Variants in DAPK1 observed in about 807,000 individuals in gnomAD.
DAPK1 encodes death-associated protein kinase 1.
A neutral mutation model predicts 144.9 loss-of-function variants in DAPK1; 56 were observed. The ratio of observed to expected loss-of-function variants is 0.39; its 90% CI spans 0.31 to 0.48. The LOEUF is 0.48. DAPK1 is among the 20% of genes least tolerant of loss of function. The probability of loss-of-function intolerance (pLI) is 0.95; values close to 1 mark genes in which losing one functional copy is unlikely to be tolerated. For synonymous variants in DAPK1, 690 were observed against 749.0 expected (o/e 0.92, Z 1.29); for missense variants, 1,454 against 1,875.4 (o/e 0.78, Z 4.15).
intron 17 of DAPK1, among the ~76,000 whole-genome samples, chr9:87,652,595 T>C (rs71489448): frequency 1.4e-4 from 15 of 110,338 alleles, no homozygotes; most frequent in African/African-American, 3.2e-4. Context: ...CTGTGTTCTC[T>C]CACCTGATCC....
intron 2 of DAPK1, among the ~76,000 whole-genome samples, chr9:87,529,333 T>C (rs1254472546): frequency 1.3e-5 from 2 of 152,176 alleles, no homozygotes; most frequent in African/African-American, 4.8e-5. Context: ...GAGAAAAGAA[T>C]TGAGGTTGCT....
intron 19 of DAPK1, among the ~76,000 whole-genome samples, chr9:87,674,702 T>C (rs923259509): frequency 6.6e-6 from 1 of 152,162 alleles, no homozygotes; most frequent in African/African-American, 2.4e-5. Flanking sequence ...GCAGTCTCAC[T>C]GCACCCTGCC....
intron 19 of DAPK1, 60 bp from the exon 20 acceptor site, chr9:87,681,344 T>C: frequency 1.1e-6 from 1 of 888,902 alleles, no homozygotes; most frequent in Non-Finnish European, 1.9e-6. Context: ...TTAGGAATCT[T>C]GAGAATCATT....
At chr9:87,655,342 CA>C (rs1338151516) in intron 17 of DAPK1, among the ~76,000 whole-genome samples, 1 of 152,082 alleles carries the variant, frequency 6.6e-6, no homozygotes, top group Admixed American at 6.5e-5. Context: ...GGGTTGCTGT[CA>C]GGCTTGTTTT....
chr9:87,704,749 G>C (rs1471794218), intron 25 of DAPK1, among the ~76,000 whole-genome samples: 3 of 152,162 alleles, frequency 2.0e-5, no homozygotes, highest in African/African-American at 4.8e-5. Context: ...TTCAACCTAG[G>C]TTCAATTCTG....
chr9:87,598,678 C>A (rs796487757), intron 2 of DAPK1, among the ~76,000 whole-genome samples: 56 of 152,288 alleles, frequency 3.7e-4, no homozygotes, highest in African/African-American at 1.3e-3. Context: ...CATTGTATAT[C>A]CACACCTTCA....
At chr9:87,643,630 C>T (rs1257071803) in intron 11 of DAPK1, among the ~76,000 whole-genome samples, 162 bp downstream of exon 11, 1 of 151,962 alleles carries the variant, frequency 6.6e-6, no homozygotes, top group East Asian at 1.9e-4. Context: ...TTGATGCACC[C>T]TCTTGCTTCT....
Position 87,706,027 on chromosome 9 carries a change from T to TG in DAPK1, c.3061-104dup. The TG allele has an allele frequency of 1.2e-6, 1 of 803,434 alleles. No homozygotes were observed. The highest frequency in any genetic ancestry group is 2.1e-6 in the Non-Finnish European group (1 of 486,760). 49.8% of individuals were successfully genotyped at this position (803,434 alleles called of 1,614,324 possible). On this transcript the variant is annotated intron_variant, in intron 25 of 25. Transcript: ENST00000408954. This position sits in a 1 kb window ranked among gnomAD's most constrained non-coding sequence, Gnocchi z 9.0. ...GCCTTGGGTCACTCCTTAGAGCATC[T>TG]GCTCAGCCTCTGTTGCCGGCATCAG...
At chr9:87,510,852 GA>G (rs1415771450) in intron 2 of DAPK1, among the ~76,000 whole-genome samples, 68 of 152,094 alleles carry the variant, frequency 4.5e-4, no homozygotes, top group African/African-American at 1.6e-3. Context: ...GTAAAATGGG[GA>G]TAGTCATCAC....
At chr9:87,519,656 G>A (rs1041189002) in intron 2 of DAPK1, among the ~76,000 whole-genome samples, 1 of 152,122 alleles carries the variant, frequency 6.6e-6, no homozygotes, top group Non-Finnish European at 1.5e-5. Flanking sequence ...TGGGACACAG[G>A]GATGGCAGCC....
At position 87,602,822 on chromosome 9, in the gene DAPK1, C is replaced by T. The variant is rs545878255; in HGVS notation, c.63-2132C>T. ...CTAATTTTTGTATTTTTAGTAGAGA[C>T]GGGGTTTCACCATGTTGGCCAGGCT... is the stretch of plus-strand genomic sequence containing the variant. On this transcript the variant is annotated intron_variant, in intron 2 of 25. Transcript: ENST00000408954. Among the ~76,000 whole-genome samples the T allele has an allele frequency of 1.1e-4, 16 of 151,942 alleles. No individual in the cohort carries two copies. The South Asian group carries it at 2.9e-3, about 28-fold the overall frequency.
chr9:87,665,227 G>T (rs1309175443), intron 18 of DAPK1, among the ~76,000 whole-genome samples: 1 of 151,608 alleles, frequency 6.6e-6, no homozygotes, highest in East Asian at 1.9e-4. Context: ...CTAGATTCTG[G>T]ATCCCATGAA....
chr9:87,514,188 G>A (rs992620063), intron 2 of DAPK1, among the ~76,000 whole-genome samples: 2 of 151,990 alleles, frequency 1.3e-5, no homozygotes, highest in East Asian at 3.9e-4. Context: ...CACCTAGTGG[G>A]CAAAGAAAAC....
At chr9:87,518,972 G>A (rs1587680930) in intron 2 of DAPK1, among the ~76,000 whole-genome samples, 1 of 151,984 alleles carries the variant, frequency 6.6e-6, no homozygotes, top group Non-Finnish European at 1.5e-5. Context: ...ATCGCAGGAA[G>A]CACTGCTCTG....
At chr9:87,591,282 GC>G (rs1267951054) in intron 2 of DAPK1, among the ~76,000 whole-genome samples, 1 of 152,200 alleles carries the variant, frequency 6.6e-6, no homozygotes, top group African/African-American at 2.4e-5. Flanking sequence ...CTCCCACAGG[GC>G]CAGTTGGGGC....
At chr9:87,566,948 C>G (rs1827148849) in intron 2 of DAPK1, among the ~76,000 whole-genome samples, 1 of 152,172 alleles carries the variant, frequency 6.6e-6, no homozygotes, top group South Asian at 2.1e-4. Context: ...GATAACTATA[C>G]ATTCGGGTGC....
intron 19 of DAPK1, among the ~76,000 whole-genome samples, chr9:87,678,739 A>T (rs559628458): frequency 6.6e-6 from 1 of 152,256 alleles, no homozygotes; most frequent in Non-Finnish European, 1.5e-5. Flanking sequence ...ACCCAGGAGA[A>T]TTCTTCGCTG....
chr9:87,651,517 T>C lies in DAPK1; in HGVS notation c.1627-10T>C, dbSNP rs771452663. 6.2e-7 allele frequency: 1 copy of C among 1,614,004 alleles called. No individual in the cohort carries two copies. Among genetic ancestry groups the C allele is most frequent in the Non-Finnish European group, 8.5e-7 (1 of 1,179,910 alleles). On this transcript the variant is annotated splice_polypyrimidine_tract_variant and intron_variant, in intron 16 of 25. Coordinates refer to ENST00000408954, the MANE Select transcript of DAPK1 (RefSeq NM_004938.4). ...GAAAAGCTCTCATGATCTCTGGGGT[T>C]TGTTTCCAGGACGGACACATTGCCC...
intron 2 of DAPK1, among the ~76,000 whole-genome samples, chr9:87,542,851 A>G (rs1826103501): frequency 6.6e-6 from 1 of 152,178 alleles, no homozygotes; most frequent in South Asian, 2.1e-4. Context: ...GGATGCCCAC[A>G]TGCATGCCTC....
Sources: gnomAD v4.1 joint callset for allele counts (sites outside exome capture counted in the v4.1 genomes callset) on GRCh38, gnomAD v4.1.1 for gene constraint, Gnocchi (gnomAD v3.1) non-coding constraint, MANE v1.5 for transcripts, NCBI Gene and HGNC (gene_info 2026-07-23, HGNC 2026-07-21) for gene names.